Variants in TINAG observed in about 807,000 individuals in gnomAD.
TINAG encodes the protein tubulointerstitial nephritis antigen.
A neutral mutation model predicts 72.7 loss-of-function variants in TINAG; 83 were observed. The observed-to-expected ratio is 1.14, with a 90% CI of 0.96 to 1.37. The LOEUF (loss-of-function observed/expected upper bound fraction) is 1.37. TINAG is among the 40% of genes most tolerant of loss of function. The pLI, the probability that TINAG is intolerant of heterozygous loss-of-function variation, is 0.00. For missense variants in TINAG, 685 were observed against 576.6 expected (o/e 1.19, Z -1.93); for synonymous variants, 234 against 189.9 (o/e 1.23, Z -1.91).
intron 3 of TINAG, among the ~76,000 whole-genome samples, chr6:54,322,550 C>A (rs958298020): frequency 2.0e-5 from 3 of 152,138 alleles, no homozygotes; most frequent in African/African-American, 7.2e-5. Context: ...GTGAAATAAT[C>A]TGGAGAAGTA....
Position 54,367,768 on chromosome 6 carries a change from C to T in TINAG, c.1251-12758C>T, listed in dbSNP as rs568364380. Among the ~76,000 whole-genome samples, 6 of 151,616 alleles carry T rather than the reference C, an allele frequency of 4.0e-5. No individual in the cohort carries two copies. In the South Asian group the frequency reaches 1.0e-3, roughly 26 times the overall value. On this transcript the variant is annotated intron_variant, in intron 9 of 10. Transcript: ENST00000259782. ...TCTTAGTTCCTTCAGACTGCTGTAA[C>T]AAAAATATCATACACTGGGTGACCT...
intron 7 of TINAG, 66 bp downstream of exon 7, chr6:54,349,962 T>A: frequency 9.8e-7 from 1 of 1,024,256 alleles, no homozygotes; most frequent in Non-Finnish European, 1.3e-6. Context: ...CTACTGTAAC[T>A]AAAACAATTT....
At chr6:54,365,819 A>G (rs907730761) in intron 9 of TINAG, among the ~76,000 whole-genome samples, 4 of 151,516 alleles carry the variant, frequency 2.6e-5, no homozygotes, top group African/African-American at 7.3e-5. Context: ...CTGAGATTGT[A>G]TGTTCTCTCT....
chr6:54,372,839 A>G (rs900325823), intron 9 of TINAG, among the ~76,000 whole-genome samples: 1 of 151,204 alleles, frequency 6.6e-6, no homozygotes, highest in Non-Finnish European at 1.5e-5. Flanking sequence ...TAAAAGGCAT[A>G]TGTTGCTATG....
chr6:54,332,482 G>T (rs1312541238), intron 4 of TINAG, among the ~76,000 whole-genome samples: 2 of 152,156 alleles, frequency 1.3e-5, no homozygotes, highest in Non-Finnish European at 2.9e-5. Flanking sequence ...ATGAATTAAA[G>T]ACTTGAACAT....
At chr6:54,345,740 G>C (rs1562163996) in intron 5 of TINAG, among the ~76,000 whole-genome samples, 1 of 152,020 alleles carries the variant, frequency 6.6e-6, no homozygotes, top group Non-Finnish European at 1.5e-5. Flanking sequence ...ATTTAGTAGG[G>C]AGCTGGAGGT....
rs988668270 is a variant in TINAG at position 54,387,791 on chromosome 6, A to T, written c.1297-2000A>T. On this transcript the variant is annotated intron_variant, in intron 10 of 10. Transcript: ENST00000259782. ...ATTGCCACCATTTCCTTTATAATTA[A>T]ATACAAACAAATGTAGGCATTTGGA... 5.9e-5 allele frequency among the ~76,000 whole-genome samples: 9 copies of T among 152,222 alleles called. 1 individual carries two copies. Among genetic ancestry groups the T allele is most frequent in the Admixed American group, 5.9e-4 (9 of 15,278 alleles).
intron 5 of TINAG, 133 bp downstream of exon 5, chr6:54,343,482 T>G: frequency 1.0e-6 from 1 of 953,972 alleles, no homozygotes; most frequent in African/African-American, 1.7e-5. Flanking sequence ...CTCATTATGA[T>G]GGAAGAAAGT....
At chr6:54,334,986 C>A (rs765641690) in intron 4 of TINAG, among the ~76,000 whole-genome samples, 1 of 151,768 alleles carries the variant, frequency 6.6e-6, no homozygotes, top group Non-Finnish European at 1.5e-5. Flanking sequence ...TTGTTCTTAC[C>A]CAGTGAGAAA....
chr6:54,362,878 A>G (rs751203103), intron 9 of TINAG, among the ~76,000 whole-genome samples: 1 of 151,568 alleles, frequency 6.6e-6, no homozygotes, highest in Non-Finnish European at 1.5e-5. Context: ...GGAGAAAGAA[A>G]CTGCAGATGT....
intron 10 of TINAG, among the ~76,000 whole-genome samples, chr6:54,383,653 A>G (rs1764014595): frequency 6.6e-6 from 1 of 152,118 alleles, no homozygotes. Context: ...ACCAAGGGAA[A>G]AATACTATCA....
chr6:54,381,266 G>A (rs774646741), intron 10 of TINAG, among the ~76,000 whole-genome samples: 2 of 150,912 alleles, frequency 1.3e-5, no homozygotes, highest in Non-Finnish European at 3.0e-5. Flanking sequence ...TTTCAGGTAA[G>A]AAACAATTTG....
At chr6:54,383,474 CA>C (rs1764009393) in intron 10 of TINAG, among the ~76,000 whole-genome samples, 1 of 151,724 alleles carries the variant, frequency 6.6e-6, no homozygotes, top group African/African-American at 2.4e-5. Flanking sequence ...AGAATTTTTC[CA>C]AAATTGTGTT....
chr6:54,354,276 G>A (rs1199996562), intron 8 of TINAG, among the ~76,000 whole-genome samples: 1 of 151,846 alleles, frequency 6.6e-6, no homozygotes, highest in Admixed American at 6.6e-5. Context: ...ACTAGATGGT[G>A]TTTTAAAAGC....
Position 54,326,733 on chromosome 6 carries a change from G to A in TINAG, c.510-69G>A, listed in dbSNP as rs758383742. On this transcript the variant is annotated intron_variant, in intron 3 of 10. Coordinates refer to ENST00000259782, the MANE Select transcript of TINAG (RefSeq NM_014464.4). ...AAATTTCAGAAATATAAAGGAAAAT[G>A]TATTTATAAAAGTGATGTCATATAA... 842 of 1,110,452 alleles carry A rather than the reference G, an allele frequency of 7.6e-4. 1 individual carries two copies. The highest frequency in any genetic ancestry group is 8.4e-4 in the Non-Finnish European group (673 of 796,504). 68.8% of individuals were successfully genotyped at this position (1,110,452 alleles called of 1,614,324 possible). A position where few individuals can be genotyped will look rare whatever the true frequency, so the allele number is the denominator to read the frequency against.
At chr6:54,387,640 T>G (rs1243471384) in intron 10 of TINAG, among the ~76,000 whole-genome samples, 2 of 152,122 alleles carry the variant, frequency 1.3e-5, no homozygotes, top group East Asian at 1.9e-4. Flanking sequence ...AACATAAACT[T>G]CATAAACACA....
chr6:54,319,285 A>C (rs988920195), intron 1 of TINAG, among the ~76,000 whole-genome samples: 2 of 152,142 alleles, frequency 1.3e-5, no homozygotes, highest in Non-Finnish European at 2.9e-5. Flanking sequence ...CTAGGTAATA[A>C]AATATTTTAG....
At chr6:54,338,697 G>T (rs1471750450) in intron 4 of TINAG, among the ~76,000 whole-genome samples, 1 of 133,982 alleles carries the variant, frequency 7.5e-6, no homozygotes, top group Non-Finnish European at 1.5e-5. Flanking sequence ...GCACTCCCAG[G>T]CGACAGAGCA....
intron 5 of TINAG, among the ~76,000 whole-genome samples, chr6:54,344,482 AAAG>A (rs1562163358): frequency 1.3e-5 from 2 of 152,280 alleles, no homozygotes; most frequent in South Asian, 2.1e-4. Context: ...CAGATAATAA[AAAG>A]AAGATTAAGG....
Sources: allele counts gnomAD v4.1 joint callset (sites outside exome capture counted in the v4.1 genomes callset), GRCh38; gene constraint gnomAD v4.1.1; transcripts MANE v1.5; gene names NCBI Gene and HGNC (gene_info 2026-07-23, HGNC 2026-07-21).